Variants in SBF2 observed in about 807,000 individuals in gnomAD.
SBF2 encodes the protein myotubularin-related protein 13.
A neutral mutation model predicts 225.2 loss-of-function variants in SBF2; 112 were observed. That is an observed-to-expected ratio of 0.50 (90% CI 0.43 to 0.58). The LOEUF (loss-of-function observed/expected upper bound fraction) is 0.58. Ranked by LOEUF, SBF2 falls within the 20% of genes least tolerant of loss-of-function variation. The pLI is 0.00. For missense variants in SBF2, 1,996 were observed against 2,206.2 expected (o/e 0.90, Z 1.91); for synonymous variants, 763 against 773.3 (o/e 0.99, Z 0.22).
chr11:9,868,337 C>CAAAAAAAAAA (rs35348349), intron 17 of SBF2, among the ~76,000 whole-genome samples: 44 of 26,382 alleles, frequency 1.7e-3, no homozygotes, highest in East Asian at 4.3e-3. Context: ...TACAAAAATA[C>CAAAAAAAAAA]AAAAAAAAAA....
rs144935862 is a variant in SBF2, at chr11:9,795,886, C to T, written c.4515G>A (p.Val1505=). 3.7e-5 allele frequency: 60 copies of T among 1,613,684 alleles called. No individual in the cohort carries two copies. The African/African-American group carries it at 5.7e-4, about 15-fold the overall frequency. ...GGAGAAATGTTTTAAAGCGATTAGA[C>T]ACATAGTGGAAAGCCAAGAACTTTA... ...YYLKFLAFHY[V]SNRFKTFLLD... The change falls in exon 33 of 40, where the codon GTG becomes GTA. Residue 1505 remains valine (V), a synonymous_variant. Transcript: ENST00000256190.
chr11:10,180,172 G>T (rs1328627189), intron 2 of SBF2, among the ~76,000 whole-genome samples: 1 of 152,026 alleles, frequency 6.6e-6, no homozygotes, highest in Non-Finnish European at 1.5e-5. Flanking sequence ...TATTGCCAGT[G>T]AGTTTTGTAC....
intron 1 of SBF2, among the ~76,000 whole-genome samples, chr11:10,270,864 G>A (rs754943079): frequency 1.1e-4 from 17 of 151,674 alleles, no homozygotes; most frequent in Admixed American, 5.9e-4. Context: ...GCCTGGTGGC[G>A]GGGGCCTGTA....
intron 2 of SBF2, among the ~76,000 whole-genome samples, chr11:10,153,248 G>A (rs1955305230): frequency 6.6e-6 from 1 of 152,078 alleles, no homozygotes; most frequent in South Asian, 2.1e-4. Flanking sequence ...GATAATGAGA[G>A]CCTTAAATTT....
intron 6 of SBF2, among the ~76,000 whole-genome samples, chr11:10,015,541 C>T (rs1490766513): frequency 1.3e-5 from 2 of 152,120 alleles, no homozygotes; most frequent in Admixed American, 6.5e-5. Flanking sequence ...TCTTTTGCCA[C>T]CCTATTAATG....
intron 1 of SBF2, among the ~76,000 whole-genome samples, chr11:10,287,997 G>A (rs973310862): frequency 6.6e-6 from 1 of 152,234 alleles, no homozygotes; most frequent in African/African-American, 2.4e-5. Flanking sequence ...CTGCGAGGCT[G>A]TGGCTGGACC....
intron 1 of SBF2, among the ~76,000 whole-genome samples, chr11:10,258,791 G>C (rs1393137945): frequency 2.0e-5 from 3 of 151,220 alleles, no homozygotes; most frequent in Non-Finnish European, 4.4e-5. Flanking sequence ...AGATTAGTTG[G>C]GCAAATAAGA....
chr11:9,785,339 G>A (rs1224999099), intron 36 of SBF2, 21 bp from the exon 37 acceptor site: 8 of 1,604,996 alleles, frequency 5.0e-6, no homozygotes, highest in Non-Finnish European at 6.8e-6. Flanking sequence ...CAGGACAGGA[G>A]CTAGGAAACC....
At chr11:9,833,445 C>G (rs199861941) in intron 26 of SBF2, among the ~76,000 whole-genome samples, 113 of 134,066 alleles carry the variant, frequency 8.4e-4, no homozygotes, top group Middle Eastern at 5.2e-3. Context: ...TTTTGAGATG[C>G]AGTCTCGCTC....
chr11:10,123,605 T>C (rs183518935), intron 2 of SBF2, among the ~76,000 whole-genome samples: 25 of 152,064 alleles, frequency 1.6e-4, no homozygotes, highest in African/African-American at 4.8e-4. Flanking sequence ...CTAATGGTTA[T>C]AGATCTCCAC....
chr11:9,869,319 T>G (rs971959387), intron 17 of SBF2, among the ~76,000 whole-genome samples: 5 of 152,102 alleles, frequency 3.3e-5, no homozygotes, highest in African/African-American at 1.2e-4. Flanking sequence ...CCCTGAAAAT[T>G]TTTTTTTCTT....
intron 6 of SBF2, among the ~76,000 whole-genome samples, chr11:10,004,694 G>C (rs1948119152): frequency 6.6e-6 from 1 of 151,124 alleles, no homozygotes; most frequent in Non-Finnish European, 1.5e-5. Context: ...CTGTACTCCT[G>C]TGAGACAAAT....
intron 2 of SBF2, among the ~76,000 whole-genome samples, chr11:10,071,234 G>T (rs1950853934): frequency 6.8e-6 from 1 of 147,618 alleles, no homozygotes. Flanking sequence ...TCCTTGTCTT[G>T]TGCCGGTTTT....
chr11:9,930,811 A>G (rs1359546647), intron 16 of SBF2, among the ~76,000 whole-genome samples: 1 of 152,260 alleles, frequency 6.6e-6, no homozygotes, highest in Non-Finnish European at 1.5e-5. Context: ...CTCACCTGCG[A>G]AGAGCAAGAG....
intron 6 of SBF2, among the ~76,000 whole-genome samples, chr11:10,015,737 A>C (rs1428849849): frequency 6.6e-6 from 1 of 152,224 alleles, no homozygotes. Flanking sequence ...AGACAAATTT[A>C]TGAAGAATCT....
chr11:9,822,608 C>G (rs1013909918), intron 28 of SBF2, among the ~76,000 whole-genome samples: 1 of 152,134 alleles, frequency 6.6e-6, no homozygotes, highest in Admixed American at 6.5e-5. Flanking sequence ...GACCTTGGAC[C>G]CAATCAGTAA....
At chr11:10,102,096 TAA>T (rs986902973) in intron 2 of SBF2, among the ~76,000 whole-genome samples, 2 of 152,238 alleles carry the variant, frequency 1.3e-5, no homozygotes, top group African/African-American at 4.8e-5. Context: ...CTGGTAAAAT[TAA>T]AAGTCCTCCA....
intron 17 of SBF2, among the ~76,000 whole-genome samples, chr11:9,868,410 C>T (rs915153480): frequency 2.3e-4 from 33 of 146,362 alleles, no homozygotes; most frequent in Admixed American, 6.9e-4. Context: ...CCCAGCTACT[C>T]GGGAGGCTGA....
intron 13 of SBF2, among the ~76,000 whole-genome samples, chr11:9,974,793 T>G (rs1387355029): frequency 6.6e-6 from 1 of 150,740 alleles, no homozygotes; most frequent in African/African-American, 2.4e-5. Flanking sequence ...AAACCCCGCC[T>G]CTACTAAAAA....
Sources: gnomAD v4.1 joint callset for allele counts (sites outside exome capture counted in the v4.1 genomes callset) on GRCh38, gnomAD v4.1.1 for gene constraint, MANE v1.5 for transcripts, NCBI Gene and HGNC (gene_info 2026-07-23, HGNC 2026-07-21) for gene names.